The following THSD4 variants were observed in gnomAD, a reference collection of about 807,000 sequenced individuals.
The protein encoded by THSD4 is thrombospondin type 1 domain containing 4, also known as thrombospondin type-1 domain-containing protein 4.
A neutral mutation model predicts 119.0 loss-of-function variants in THSD4; 69 were observed. The observed-to-expected ratio is 0.58, with a 90% confidence interval of 0.48 to 0.71. The LOEUF is 0.71. Among genes scored for constraint, THSD4 ranks in the 30% least tolerant of loss-of-function variants. The pLI, the probability that THSD4 is intolerant of heterozygous loss-of-function variation, is 0.00. For synonymous variants in THSD4, 524 were observed against 540.4 expected (o/e 0.97, Z 0.42); for missense variants, 1,393 against 1,391.1 (o/e 1.00, Z -0.02).
chr15:71,721,612 G>A (rs1478862196), intron 8 of THSD4, among the ~76,000 whole-genome samples: 3 of 152,322 alleles, frequency 2.0e-5, no homozygotes, highest in African/African-American at 4.8e-5. Context: ...AGAGGTTGCA[G>A]TGAGCTGAGA....
At chr15:71,486,932 C>T (rs2047831989) in intron 7 of THSD4, among the ~76,000 whole-genome samples, 1 of 152,152 alleles carries the variant, frequency 6.6e-6, no homozygotes, top group Admixed American at 6.6e-5. Flanking sequence ...TTGAAGACAC[C>T]ACCTATTGAG....
Position 71,148,060 on chromosome 15 carries a change from A to C in THSD4, c.29+6504A>C, listed in dbSNP as rs1596224851. Among the ~76,000 whole-genome samples the C allele has an allele frequency of 2.6e-5, 4 of 151,990 alleles. No individual in the cohort carries two copies. In the East Asian group the frequency reaches 7.7e-4, roughly 29 times the overall value. On this transcript the variant is annotated intron_variant, in intron 2 of 17. Coordinates refer to ENST00000261862, the MANE Select transcript of THSD4 (RefSeq NM_024817.3). ...TGGTCGAGAAAATACAAATGGCTGC[A>C]AGACCTGAGAACCTGGAAACAAGCA...
chr15:71,414,388 A>G (rs920632706), intron 7 of THSD4, among the ~76,000 whole-genome samples: 8 of 152,214 alleles, frequency 5.3e-5, no homozygotes, highest in Non-Finnish European at 8.8e-5. Context: ...CTCTCACGCT[A>G]TAGTGTGAAA....
chr15:71,111,335 C>T (rs375345437), upstream of THSD4: 43 of 1,613,848 alleles, frequency 2.7e-5, no homozygotes, highest in African/African-American at 4.5e-4. Context: ...GCAGAATTTT[C>T]TCTTGCCCAG....
chr15:71,371,812 T>G (rs955369542), intron 6 of THSD4, among the ~76,000 whole-genome samples: 2 of 152,194 alleles, frequency 1.3e-5, no homozygotes, highest in Non-Finnish European at 2.9e-5. Context: ...TTTCCTGAAT[T>G]TGAATGTTGG....
At chr15:71,663,049 G>C (rs1201761096) in intron 8 of THSD4, among the ~76,000 whole-genome samples, 1 of 152,020 alleles carries the variant, frequency 6.6e-6, no homozygotes, top group Non-Finnish European at 1.5e-5. Context: ...AAGAGTTCAC[G>C]ACCAGCCTGC....
At chr15:71,754,581 C>G (rs2053506014) in intron 14 of THSD4, among the ~76,000 whole-genome samples, 1 of 152,120 alleles carries the variant, frequency 6.6e-6, no homozygotes, top group African/African-American at 2.4e-5. Flanking sequence ...TAATAGCAAT[C>G]TAGCAAAATA....
chr15:71,319,100 T>C (rs1298813895), intron 6 of THSD4, among the ~76,000 whole-genome samples: 3 of 152,142 alleles, frequency 2.0e-5, no homozygotes, highest in Non-Finnish European at 4.4e-5. Context: ...AAAATACTTC[T>C]CTTAAGTGAT....
Position 71,780,604 on chromosome 15 carries a change from C to T in THSD4, c.*3230C>T. On this transcript the variant is annotated 3_prime_UTR_variant, in exon 18 of 18. Transcript: ENST00000261862. ...GTCAGTTCAGTTCCGTAAAGGTATG[C>T]TCAGTGCCCGCTGCCTGCAAGCTGT... The T allele has an allele frequency of 2.2e-6, 1 of 454,850 alleles. No homozygotes were observed. Among genetic ancestry groups the T allele is most frequent in the Non-Finnish European group, 4.4e-6 (1 of 226,328 alleles). 28.2% of individuals were successfully genotyped at this position (454,850 alleles called of 1,614,324 possible).
chr15:71,476,318 G>A (rs12908559), intron 7 of THSD4, among the ~76,000 whole-genome samples: 23,774 of 152,134 alleles, frequency 0.16, 2,341 homozygotes, highest in East Asian at 0.3. Context: ...TGCAGCCTCC[G>A]CCTCCCAGGT....
intron 7 of THSD4, among the ~76,000 whole-genome samples, chr15:71,570,036 TTAAG>T (rs1424561189): frequency 2.6e-5 from 4 of 152,136 alleles, no homozygotes; most frequent in African/African-American, 9.7e-5. Context: ...ATTTATTGAG[TTAAG>T]TAAGTTGGGG....
Position 71,777,466 on chromosome 15 carries a change from C to T in THSD4, c.*92C>T, listed in dbSNP as rs1010203419. The stretch of plus-strand genomic sequence containing the variant: ...CTGGCTGCTGCTCCACCACGGGCCC[C>T]CTGGCCCAGGCGCTGCCAACCAACT... On this transcript the variant is annotated 3_prime_UTR_variant, in exon 18 of 18. Transcript: ENST00000261862. The T allele has an allele frequency of 1.1e-4, 172 of 1,502,654 alleles. No homozygotes were observed. Among genetic ancestry groups the T allele is most frequent in the South Asian group, 3.6e-4 (29 of 79,696 alleles). The allele number at this position is 1,502,654 out of a possible 1,614,324, so 93.1% of individuals were successfully genotyped here.
intron 1 of THSD4, among the ~76,000 whole-genome samples, chr15:71,125,841 G>C (rs1323754215): frequency 6.6e-6 from 1 of 152,258 alleles, no homozygotes; most frequent in Admixed American, 6.5e-5. Context: ...ACATGTTTTT[G>C]CTGTGTATGT....
At position 71,398,107 on chromosome 15, in the gene THSD4, A is replaced by G. The variant is rs1285136319; in HGVS notation, c.1016-13580A>G. The stretch of plus-strand genomic sequence containing the variant: ...GTGCAGAGATAGCAAGATTAGTAGG[A>G]TATCTTACTTATTAGTAGGATTAGT... On this transcript the variant is annotated intron_variant, in intron 6 of 17. Transcript: ENST00000261862. 4.6e-5 allele frequency among the ~76,000 whole-genome samples: 7 copies of G among 152,312 alleles called. No individual in the cohort carries two copies. In the East Asian group the frequency reaches 1.4e-3, roughly 29 times the overall value.
chr15:71,529,050 G>A (rs1223500796), intron 7 of THSD4, among the ~76,000 whole-genome samples: 1 of 152,198 alleles, frequency 6.6e-6, no homozygotes, highest in East Asian at 1.9e-4. Context: ...TGTAGCCAAT[G>A]GAAGATGGGC....
At chr15:71,756,261 AG>A (rs2053536933) in intron 14 of THSD4, among the ~76,000 whole-genome samples, 1 of 152,206 alleles carries the variant, frequency 6.6e-6, no homozygotes, top group Non-Finnish European at 1.5e-5. Flanking sequence ...ATGGATGGAA[AG>A]GGGCAAGACA....
chr15:71,130,057 C>G (rs187719920), intron 1 of THSD4, among the ~76,000 whole-genome samples: 275 of 152,310 alleles, frequency 1.8e-3, no homozygotes, highest in African/African-American at 6.2e-3. Context: ...AGCACAACCT[C>G]ACACCCTACA....
At chr15:71,623,732 G>T (rs1420109412) in intron 7 of THSD4, among the ~76,000 whole-genome samples, 2 of 152,058 alleles carry the variant, frequency 1.3e-5, no homozygotes, top group Non-Finnish European at 2.9e-5. Flanking sequence ...AAATCAGCCT[G>T]GCCAACGTGG....
chr15:71,688,474 A>C (rs1393139752), intron 8 of THSD4, among the ~76,000 whole-genome samples: 1 of 152,218 alleles, frequency 6.6e-6, no homozygotes, highest in East Asian at 1.9e-4. Context: ...TAAAATGCTA[A>C]TGTGTAAAAC....
Sources: gnomAD v4.1 joint callset for allele counts (sites outside exome capture counted in the v4.1 genomes callset) on GRCh38, gnomAD v4.1.1 for gene constraint, MANE v1.5 for transcripts, NCBI Gene and HGNC (gene_info 2026-07-23, HGNC 2026-07-21) for gene names.